The following CNTNAP2 variants were observed in gnomAD, a reference collection of about 807,000 sequenced individuals.
The protein encoded by CNTNAP2 is contactin associated protein 2, also known as contactin-associated protein-like 2.
CNTNAP2 carries 98 observed loss-of-function variants against 155.2 expected under a neutral mutation model. That is an observed-to-expected ratio of 0.63 (90% CI 0.54 to 0.75). The LOEUF (loss-of-function observed/expected upper bound fraction) is 0.75, where lower values mean the gene tolerates loss of function less well. Among genes scored for constraint, CNTNAP2 ranks in the 30% least tolerant of loss-of-function variants. CNTNAP2 has a pLI of 0.00. For synonymous variants in CNTNAP2, 651 were observed against 631.2 expected (o/e 1.03, Z -0.47); for missense variants, 1,727 against 1,688.1 (o/e 1.02, Z -0.40).
At chr7:146,992,127 C>A (rs922129705) in intron 3 of CNTNAP2, among the ~76,000 whole-genome samples, 1 of 152,064 alleles carries the variant, frequency 6.6e-6, no homozygotes, top group African/African-American at 2.4e-5. Flanking sequence ...ATAAACAGTA[C>A]ATAGCATCTT....
chr7:146,307,592 A>C (rs1305686541), intron 1 of CNTNAP2, among the ~76,000 whole-genome samples: 26 of 152,164 alleles, frequency 1.7e-4, no homozygotes, highest in Non-Finnish European at 4.4e-5. Flanking sequence ...CTACAAGGCT[A>C]CAGTAACCAA....
At chr7:146,661,105 C>G (rs1489996342) in intron 1 of CNTNAP2, among the ~76,000 whole-genome samples, 1 of 152,158 alleles carries the variant, frequency 6.6e-6, no homozygotes, top group South Asian at 2.1e-4. Context: ...CATTAAGCAT[C>G]ATTCCACTCA....
At chr7:146,788,195 G>C (rs758166789) in intron 2 of CNTNAP2, among the ~76,000 whole-genome samples, 2 of 152,178 alleles carry the variant, frequency 1.3e-5, no homozygotes, top group South Asian at 2.1e-4. Context: ...CCTGGAACCC[G>C]TGTGGCCTGA....
intron 20 of CNTNAP2, among the ~76,000 whole-genome samples, chr7:148,230,643 C>T (rs142572490): frequency 2.0e-5 from 3 of 152,260 alleles, no homozygotes; most frequent in Admixed American, 1.3e-4. Context: ...AAGGCACAAG[C>T]CCTATCTCTT....
At chr7:146,439,400 T>A (rs1796288640) in intron 1 of CNTNAP2, among the ~76,000 whole-genome samples, 1 of 151,634 alleles carries the variant, frequency 6.6e-6, no homozygotes, top group Non-Finnish European at 1.5e-5. Flanking sequence ...GCTGGCCTTC[T>A]TTTTTCCCTT....
chr7:146,503,371 A>G (rs1239043698), intron 1 of CNTNAP2, among the ~76,000 whole-genome samples: 1 of 152,202 alleles, frequency 6.6e-6, no homozygotes, highest in Non-Finnish European at 1.5e-5. Context: ...CTTTCTTAAA[A>G]CATTATGAAA....
At chr7:147,760,904 A>G (rs1385432724) in intron 13 of CNTNAP2, among the ~76,000 whole-genome samples, 1 of 152,228 alleles carries the variant, frequency 6.6e-6, no homozygotes, top group Non-Finnish European at 1.5e-5. Flanking sequence ...TAAAGTAATT[A>G]CAAATTGTGA....
In CNTNAP2 at chr7:147,480,974, G is replaced by T. The variant is rs564397949; in HGVS notation, c.1671-4961G>T. 2.0e-5 allele frequency among the ~76,000 whole-genome samples: 3 copies of T among 152,226 alleles called. No homozygotes were observed. In the South Asian group the frequency reaches 6.2e-4, roughly 32 times the overall value. Reference sequence around the variant, plus strand: ...GAGAAACACTACTTTTGAGTGCCAAGGATTCGGTTTATACAGAACAGCAGT... The same window carrying T: ...GAGAAACACTACTTTTGAGTGCCAATGATTCGGTTTATACAGAACAGCAGT... On this transcript the variant is annotated intron_variant, in intron 10 of 23. Transcript: ENST00000361727.
chr7:146,999,641 CT>C (rs758329112), intron 3 of CNTNAP2, among the ~76,000 whole-genome samples: 22 of 151,822 alleles, frequency 1.4e-4, no homozygotes, highest in Non-Finnish European at 2.8e-4. Context: ...TGAAAAACAG[CT>C]TTGCAGGGCA....
intron 1 of CNTNAP2, among the ~76,000 whole-genome samples, chr7:146,316,591 A>C (rs1439933283): frequency 6.6e-6 from 1 of 152,150 alleles, no homozygotes; most frequent in East Asian, 1.9e-4. Context: ...GTGGTGGGAG[A>C]TAACTTTCAT....
At chr7:148,012,107 G>A (rs1006897970) in intron 15 of CNTNAP2, among the ~76,000 whole-genome samples, 1 of 152,106 alleles carries the variant, frequency 6.6e-6, no homozygotes, top group Admixed American at 6.6e-5. Flanking sequence ...TGTTTAAGAG[G>A]GGATGTTGCT....
intron 11 of CNTNAP2, among the ~76,000 whole-genome samples, chr7:147,495,509 C>T (rs1199926764): frequency 6.6e-6 from 1 of 152,128 alleles, no homozygotes; most frequent in East Asian, 1.9e-4. Flanking sequence ...TATGTGCCTG[C>T]CAATATTATT....
At chr7:147,097,704 G>C (rs903636590) in intron 4 of CNTNAP2, 1 of 152,180 alleles carries the variant, frequency 6.6e-6, no homozygotes, top group Non-Finnish European at 1.5e-5. Context: ...CAGAGACAAA[G>C]CATATCAGAT....
intron 13 of CNTNAP2, among the ~76,000 whole-genome samples, chr7:147,900,044 C>T (rs1208738456): frequency 6.6e-6 from 1 of 152,310 alleles, no homozygotes; most frequent in East Asian, 1.9e-4. Flanking sequence ...TAGTGACCTT[C>T]CAGCTGTCAA....
At chr7:146,563,273 A>G (rs1207607572) in intron 1 of CNTNAP2, among the ~76,000 whole-genome samples, 1 of 150,840 alleles carries the variant, frequency 6.6e-6, no homozygotes, top group Non-Finnish European at 1.5e-5. Context: ...GGAAGGTCTC[A>G]TTTTTTTTTC....
intron 1 of CNTNAP2, among the ~76,000 whole-genome samples, chr7:146,676,827 A>G (rs1384899756): frequency 2.0e-5 from 3 of 152,140 alleles, no homozygotes; most frequent in Admixed American, 2.0e-4. Flanking sequence ...GTATGGGGGA[A>G]ACTGCCCCCA....
In CNTNAP2 at chr7:147,892,063, G is replaced by T. The variant is rs993285027; in HGVS notation, c.2099-11502G>T. Among the ~76,000 whole-genome samples the T allele has an allele frequency of 2.0e-5, 3 of 152,018 alleles. No homozygotes were observed. The East Asian group carries it at 5.8e-4, about 29-fold the overall frequency. On this transcript the variant is annotated intron_variant, in intron 13 of 23. Coordinates refer to ENST00000361727, the MANE Select transcript of CNTNAP2 (RefSeq NM_014141.6). ...TATCATTTTAATAAGAGCAGACAAAGGATTGAATAAAATTTAGTATTGATT... is the reference window on the plus strand; with the variant it reads ...TATCATTTTAATAAGAGCAGACAAATGATTGAATAAAATTTAGTATTGATT...
At chr7:148,276,735 CA>C (rs1796876920) in intron 21 of CNTNAP2, among the ~76,000 whole-genome samples, 1 of 152,220 alleles carries the variant, frequency 6.6e-6, no homozygotes. Flanking sequence ...ATAACGTGAT[CA>C]GATTGACACT....
intron 14 of CNTNAP2, among the ~76,000 whole-genome samples, chr7:147,909,100 A>T (rs1013174424): frequency 6.6e-6 from 1 of 152,186 alleles, no homozygotes; most frequent in Non-Finnish European, 1.5e-5. Flanking sequence ...CTTAAATTAC[A>T]GATGCATAAA....
Sources: allele counts gnomAD v4.1 joint callset (sites outside exome capture counted in the v4.1 genomes callset), GRCh38; gene constraint gnomAD v4.1.1; transcripts MANE v1.5; gene names NCBI Gene and HGNC (gene_info 2026-07-23, HGNC 2026-07-21).